RBM6: variants seen among roughly 807,000 people sequenced by gnomAD.
The protein encoded by RBM6 is RNA binding motif protein 6, also known as RNA-binding protein 6.
A neutral mutation model predicts 140.4 loss-of-function variants in RBM6; 23 were observed. That is an observed-to-expected ratio of 0.16 (90% CI 0.12 to 0.23). The LOEUF is 0.23. Ranked by LOEUF, RBM6 falls within the 10% of genes least tolerant of loss-of-function variation. RBM6 has a pLI of 1.00. For missense variants in RBM6, 1,139 were observed against 1,386.7 expected (o/e 0.82, Z 2.84); for synonymous variants, 439 against 475.6 (o/e 0.92, Z 1.00).
At chr3:50,055,406 G>A (rs1057238979) in intron 8 of RBM6, among the ~76,000 whole-genome samples, 2 of 152,120 alleles carry the variant, frequency 1.3e-5, no homozygotes, top group African/African-American at 4.8e-5. Context: ...CTCCAGCCTA[G>A]GCAACAGAGT....
intron 6 of RBM6, among the ~76,000 whole-genome samples, chr3:50,009,272 G>A (rs992391355): frequency 5.3e-5 from 8 of 152,248 alleles, no homozygotes; most frequent in African/African-American, 1.4e-4. Flanking sequence ...GAGGGCAGAA[G>A]ACCATGACCA....
At chr3:49,986,270 A>G (rs2085550092) in intron 5 of RBM6, among the ~76,000 whole-genome samples, 1 of 151,308 alleles carries the variant, frequency 6.6e-6, no homozygotes, top group Non-Finnish European at 1.5e-5. Context: ...CTGGGATTAC[A>G]GATGTGAGCC....
At chr3:49,973,556 C>T (rs1001600758) in intron 4 of RBM6, among the ~76,000 whole-genome samples, 5 of 151,500 alleles carry the variant, frequency 3.3e-5, no homozygotes, top group Non-Finnish European at 5.9e-5. Flanking sequence ...AGAGCTTAAG[C>T]CTTTGAAGGT....
chr3:49,994,853 A>G (rs966308013), intron 5 of RBM6, among the ~76,000 whole-genome samples: 2 of 152,128 alleles, frequency 1.3e-5, no homozygotes, highest in African/African-American at 4.8e-5. Flanking sequence ...ATGTCAACCA[A>G]TACTCTCTTG....
At chr3:50,072,723 C>A (rs1259957317) in intron 19 of RBM6, among the ~76,000 whole-genome samples, 2 of 152,094 alleles carry the variant, frequency 1.3e-5, no homozygotes, top group Non-Finnish European at 2.9e-5. Context: ...ACAGTGGGAC[C>A]ATTTAGTGTG....
At chr3:49,991,388 C>T (rs932044018) in intron 5 of RBM6, among the ~76,000 whole-genome samples, 4 of 152,126 alleles carry the variant, frequency 2.6e-5, no homozygotes, top group Non-Finnish European at 5.9e-5. Flanking sequence ...GCTCAAGCCC[C>T]TCTCCCCTCA....
intron 5 of RBM6, among the ~76,000 whole-genome samples, chr3:49,984,661 G>A (rs2681775): frequency 0.48 from 72,140 of 149,778 alleles, 17,915 homozygotes; most frequent in African/African-American, 0.54. Context: ...GCATCGCATC[G>A]CATTGCATCA....
chr3:49,990,678 C>A (rs565418607), intron 5 of RBM6, among the ~76,000 whole-genome samples: 1 of 151,968 alleles, frequency 6.6e-6, no homozygotes, highest in Admixed American at 6.6e-5. Flanking sequence ...GTGGGGGAAA[C>A]CTTAACTAAG....
chr3:50,035,789 C>G (rs925027739), intron 6 of RBM6, among the ~76,000 whole-genome samples: 3 of 151,540 alleles, frequency 2.0e-5, no homozygotes, highest in African/African-American at 7.3e-5. Flanking sequence ...GAGACAGAGT[C>G]TCACTCTGTT....
chr3:50,060,660 A>AGGAGAATG, intron 11 of RBM6: 1 of 240,440 alleles, frequency 4.2e-6, no homozygotes, highest in Non-Finnish European at 7.7e-6. Flanking sequence ...AGGCTGAGGC[A>AGGAGAATG]GGAGAATGGT....
At chr3:50,004,006 G>T (rs1484501247) in intron 6 of RBM6, among the ~76,000 whole-genome samples, 1 of 152,206 alleles carries the variant, frequency 6.6e-6, no homozygotes, top group Non-Finnish European at 1.5e-5. Flanking sequence ...CTTGCACTGG[G>T]ACTTGGGGAG....
chr3:49,988,018 A>G (rs2085645608), intron 5 of RBM6, among the ~76,000 whole-genome samples: 1 of 152,200 alleles, frequency 6.6e-6, no homozygotes, highest in Admixed American at 6.5e-5. Context: ...AGCCATCTCA[A>G]AATATACTTT....
Position 49,972,063 on chromosome 3 carries a change from A to T in RBM6, c.1328A>T (p.Gln443Leu). 1 of 1,606,862 alleles carries T rather than the reference A, an allele frequency of 6.2e-7. No individual in the cohort carries two copies. The highest frequency in any genetic ancestry group is 8.5e-7 in the Non-Finnish European group (1 of 1,174,580). Residue 443 changes from glutamine to leucine, a missense_variant, in exon 4 of 21, where the codon CAA becomes CTA. Around this residue, in one of 9 missense-constraint regions of RBM6, gnomAD observed 566 missense variants for 612.7 expected, o/e 0.92. Coordinates refer to ENST00000266022, the MANE Select transcript of RBM6 (RefSeq NM_005777.3). Reference protein sequence around the residue: ...ARDAQRDLQDQDYRTGPSEEK... With the variant: ...ARDAQRDLQDLDYRTGPSEEK... ...ATTTTTCATTCTCAATTTAAGGATC[A>T]AGATTATAGGACCGGCCCAAGTGAG...
At chr3:49,970,026 C>T (rs774401892) in intron 3 of RBM6, among the ~76,000 whole-genome samples, 14 of 152,074 alleles carry the variant, frequency 9.2e-5, no homozygotes, top group African/African-American at 2.4e-4. Context: ...CAGCAACCTC[C>T]GCCTCCCGTG....
chr3:49,965,702 C>G (rs576789984), intron 2 of RBM6, among the ~76,000 whole-genome samples: 1 of 150,958 alleles, frequency 6.6e-6, no homozygotes, highest in African/African-American at 2.4e-5. Context: ...TCTAAACTTG[C>G]TCCTCTTATG....
chr3:50,024,619 C>T (rs2108803577), intron 6 of RBM6, among the ~76,000 whole-genome samples: 1 of 152,210 alleles, frequency 6.6e-6, no homozygotes, highest in South Asian at 2.1e-4. Flanking sequence ...GTGAATTATT[C>T]CAAAGTTGGA....
At chr3:50,002,255 AT>A (rs903178882) in intron 6 of RBM6, among the ~76,000 whole-genome samples, 17 of 144,888 alleles carry the variant, frequency 1.2e-4, no homozygotes, top group African/African-American at 3.9e-4. Flanking sequence ...GCTTGGGTAA[AT>A]TTTTTTTCTT....
intron 6 of RBM6, among the ~76,000 whole-genome samples, chr3:50,035,916 T>G (rs372773190): frequency 6.6e-6 from 1 of 151,880 alleles, no homozygotes; most frequent in Non-Finnish European, 1.5e-5. Flanking sequence ...CCCACCACCA[T>G]GTCTGGCTAA....
rs1226647721 is a variant in RBM6 at position 50,066,820 on chromosome 3, T to TC, written c.2943+320dup. Among the ~76,000 whole-genome samples the TC allele has an allele frequency of 5.5e-5, 6 of 108,480 alleles. No homozygotes were observed. In the Admixed American group the frequency reaches 6.1e-4, roughly 11 times the overall value. 71.2% of individuals were successfully genotyped at this position (108,480 alleles called of 152,430 possible). A position where few individuals can be genotyped will look rare whatever the true frequency, so the allele number is the denominator to read the frequency against. ...TCCAGCCTGGGTAACAGAGCAAGAC[T>TC]CCATCTCTTAAAAAACAAAACAAAA... On this transcript the variant is annotated intron_variant, in intron 17 of 20. Coordinates refer to ENST00000266022, the MANE Select transcript of RBM6 (RefSeq NM_005777.3).
Sources: allele counts gnomAD v4.1 joint callset (sites outside exome capture counted in the v4.1 genomes callset), GRCh38; gene constraint gnomAD v4.1.1; regional missense constraint gnomAD v4.1.1; transcripts MANE v1.5; gene names NCBI Gene and HGNC (gene_info 2026-07-23, HGNC 2026-07-21).